The following ATXN1 variants were observed in gnomAD, a reference collection of about 807,000 sequenced individuals.
ATXN1 encodes the protein ataxin 1.
ATXN1 carries 8 observed loss-of-function variants against 56.4 expected under a neutral mutation model. The observed-to-expected ratio is 0.14, with a 90% CI of 0.08 to 0.26. ATXN1 has a LOEUF of 0.26. Ranked by LOEUF, ATXN1 falls within the 10% of genes least tolerant of loss-of-function variation. The pLI, the probability that ATXN1 is intolerant of heterozygous loss-of-function variation, is 1.00. For missense variants in ATXN1, 987 were observed against 1,106.5 expected, an observed-to-expected ratio of 0.89 and a Z score of 1.53; for synonymous variants, 514 against 494.6, an observed-to-expected ratio of 1.04 and a Z score of -0.52.
At chr6:16,523,947 G>A (rs1190729843) in intron 4 of ATXN1, among the ~76,000 whole-genome samples, 1 of 152,212 alleles carries the variant, frequency 6.6e-6, no homozygotes, top group Non-Finnish European at 1.5e-5. Context: ...TTTTAAAGAC[G>A]CCTTTGCAGG....
At chr6:16,597,356 T>A (rs1385468886) in intron 3 of ATXN1, among the ~76,000 whole-genome samples, 2 of 152,082 alleles carry the variant, frequency 1.3e-5, no homozygotes, top group Non-Finnish European at 2.9e-5. Context: ...GAAATGCCCA[T>A]CCAGGAAAAT....
At position 16,760,678 on chromosome 6, in the gene ATXN1, C is replaced by T. The variant is rs1233703795; in HGVS notation, c.-730+620G>A. ...AGGCCGGCCCTCCGAGGGGAGACCC[C>T]CGCCCCAGGGCGCCGAGGCCGGGCG... is the stretch of plus-strand genomic sequence containing the variant. On this transcript the variant is annotated intron_variant, in intron 1 of 7. Transcript: ENST00000436367. The surrounding 1 kb of genome is among the most constrained non-coding windows in gnomAD (Gnocchi z 5.3). 6.6e-6 allele frequency among the ~76,000 whole-genome samples: 1 copy of T among 151,188 alleles called. No homozygotes were observed. Among genetic ancestry groups the T allele is most frequent in the Non-Finnish European group, 1.5e-5 (1 of 67,676 alleles).
At chr6:16,377,153 C>T (rs186164861) in intron 6 of ATXN1, among the ~76,000 whole-genome samples, 1 of 152,326 alleles carries the variant, frequency 6.6e-6, no homozygotes, top group Admixed American at 6.5e-5. Flanking sequence ...TCAAACCTCA[C>T]CAAATCCTGA....
In ATXN1 at chr6:16,305,336, T is replaced by C. The variant is rs1760215680; in HGVS notation, c.*993A>G. On this transcript the variant is annotated 3_prime_UTR_variant, in exon 8 of 8. Coordinates refer to ENST00000436367, the MANE Select transcript of ATXN1 (RefSeq NM_001128164.2). ...CATGAACTATAAACAGTACTAGAGT[T>C]CAAAGACAAAAAGATTTCGCAAACT... is the stretch of plus-strand genomic sequence containing the variant. 1 of 152,180 alleles carries C rather than the reference T, an allele frequency of 6.6e-6. No individual in the cohort carries two copies. The highest frequency in any genetic ancestry group is 6.6e-5 in the Admixed American group (1 of 15,234). The allele number at this position is 152,180 out of a possible 1,614,324, so 9.4% of individuals were successfully genotyped here.
chr6:16,539,964 G>A (rs564419076), intron 4 of ATXN1, among the ~76,000 whole-genome samples: 2 of 152,280 alleles, frequency 1.3e-5, no homozygotes, highest in Non-Finnish European at 2.9e-5. Context: ...TCAAAAAAAG[G>A]AGAAAAGGAG....
chr6:16,742,759 G>A (rs1365660293), intron 2 of ATXN1, among the ~76,000 whole-genome samples: 1 of 152,152 alleles, frequency 6.6e-6, no homozygotes, highest in African/African-American at 2.4e-5. Context: ...AAGATTAGAT[G>A]GACCTCCTAC....
At chr6:16,547,147 G>A (rs73724895) in intron 4 of ATXN1, among the ~76,000 whole-genome samples, 2 of 152,176 alleles carry the variant, frequency 1.3e-5, no homozygotes, top group Admixed American at 6.5e-5. Flanking sequence ...TCACGAAAGT[G>A]TCCAAGCCTG....
At chr6:16,422,729 GCCT>G (rs1305079214) in intron 6 of ATXN1, among the ~76,000 whole-genome samples, 1 of 152,146 alleles carries the variant, frequency 6.6e-6, no homozygotes, top group East Asian at 1.9e-4. Flanking sequence ...CTTCACAACA[GCCT>G]CCTCAAGTAG....
At chr6:16,672,791 G>A (rs933166377) in intron 2 of ATXN1, among the ~76,000 whole-genome samples, 9 of 152,124 alleles carry the variant, frequency 5.9e-5, no homozygotes, top group South Asian at 4.1e-4. Context: ...AGGCCGAGGC[G>A]GGTGGATCGC....
chr6:16,366,602 G>C (rs1257666301), intron 6 of ATXN1, among the ~76,000 whole-genome samples: 3 of 151,956 alleles, frequency 2.0e-5, no homozygotes, highest in Non-Finnish European at 4.4e-5. Context: ...CCAACATATT[G>C]AAACCCCTTC....
chr6:16,559,874 T>A (rs1762083791), intron 4 of ATXN1, among the ~76,000 whole-genome samples: 1 of 152,138 alleles, frequency 6.6e-6, no homozygotes, highest in African/African-American at 2.4e-5. Context: ...AAAATAAAGT[T>A]TTTTAAACCC....
At position 16,305,578 on chromosome 6, in the gene ATXN1, C is replaced by T. The variant is rs1010608284; in HGVS notation, c.*751G>A. On this transcript the variant is annotated 3_prime_UTR_variant, in exon 8 of 8. Transcript: ENST00000436367. ...GTCCACCACAACACCCTGGTGACAT[C>T]GCTGCACTAGTAAAAAGCAGAAATG... is the stretch of plus-strand genomic sequence containing the variant. 1 of 152,252 alleles carries T rather than the reference C, an allele frequency of 6.6e-6. No individual in the cohort carries two copies. The highest frequency in any genetic ancestry group is 1.5e-5 in the Non-Finnish European group (1 of 67,988). The allele number at this position is 152,252 out of a possible 1,614,324, so 9.4% of individuals were successfully genotyped here. A position where few individuals can be genotyped will look rare whatever the true frequency, so the allele number is the denominator to read the frequency against.
chr6:16,381,469 C>T (rs1376570702), intron 6 of ATXN1, among the ~76,000 whole-genome samples: 2 of 152,150 alleles, frequency 1.3e-5, no homozygotes, highest in Non-Finnish European at 2.9e-5. Flanking sequence ...TTCCAGGCCC[C>T]CCAGCTGTGA....
intron 6 of ATXN1, among the ~76,000 whole-genome samples, chr6:16,336,115 A>G (rs1347173008): frequency 6.6e-6 from 1 of 152,234 alleles, no homozygotes; most frequent in Non-Finnish European, 1.5e-5. Flanking sequence ...TTTACTCTTC[A>G]TAACAAATTT....
chr6:16,554,316 G>A (rs1203068453), intron 4 of ATXN1, among the ~76,000 whole-genome samples: 2 of 152,236 alleles, frequency 1.3e-5, no homozygotes, highest in East Asian at 3.8e-4. Context: ...TTAGCCCTGT[G>A]CTAAGATTTG....
intron 6 of ATXN1, among the ~76,000 whole-genome samples, chr6:16,389,147 A>G (rs919488676): frequency 2.6e-5 from 4 of 151,486 alleles, no homozygotes; most frequent in African/African-American, 9.7e-5. Flanking sequence ...GACCAGCCTG[A>G]CCAACATGGT....
chr6:16,396,291 G>A (rs2113529111), intron 6 of ATXN1, among the ~76,000 whole-genome samples: 1 of 151,892 alleles, frequency 6.6e-6, no homozygotes, highest in East Asian at 1.9e-4. Flanking sequence ...ATAAGAAAAA[G>A]CTTATAAACT....
intron 4 of ATXN1, among the ~76,000 whole-genome samples, chr6:16,525,716 C>T (rs920181483): frequency 6.6e-6 from 1 of 151,702 alleles, no homozygotes; most frequent in Admixed American, 6.6e-5. Flanking sequence ...GATGGATACC[C>T]CATTCTTCAT....
chr6:16,587,262 G>A (rs72825535), intron 3 of ATXN1, among the ~76,000 whole-genome samples: 3,743 of 152,168 alleles, frequency 0.025, 70 homozygotes, highest in Non-Finnish European at 0.035. Context: ...TAAAATCCAC[G>A]TCCTGCCTAA....
Sources: gnomAD v4.1 joint callset for allele counts (sites outside exome capture counted in the v4.1 genomes callset) on GRCh38, gnomAD v4.1.1 for gene constraint, Gnocchi (gnomAD v3.1) non-coding constraint, MANE v1.5 for transcripts, NCBI Gene and HGNC (gene_info 2026-07-23, HGNC 2026-07-21) for gene names.